TCF19: variants seen among roughly 807,000 people sequenced by gnomAD.
TCF19 encodes transcription factor 19.
TCF19 carries 9 observed loss-of-function variants against 18.3 expected under a neutral mutation model. That is an observed-to-expected ratio of 0.49 (90% CI 0.30 to 0.86). TCF19 has a LOEUF of 0.86. Among genes scored for constraint, TCF19 ranks in the 40% least tolerant of loss-of-function variants. The pLI, the probability that TCF19 is intolerant of heterozygous loss-of-function variation, is 0.07. For missense variants in TCF19, 376 were observed against 464.3 expected (o/e 0.81, Z 1.75); for synonymous variants, 176 against 185.3 (o/e 0.95, Z 0.41).
In TCF19 at chr6:31,159,644, G is replaced by C; in HGVS notation, c.175G>C (p.Glu59Gln). The change falls in exon 2 of 4, where the codon GAA (glutamate) becomes CAA (glutamine). Residue 59 changes from glutamate (E) to glutamine (Q), a missense_variant. Coordinates refer to ENST00000376257, the MANE Select transcript of TCF19 (RefSeq NM_007109.3). ...EPGLISGIHA[E>Q]LHAEPRGDDW... ...TGGCCTCATCTCTGGGATCCACGCC[G>C]AACTGCATGCCGAGCCCCGGGGTGA... 6.2e-7 allele frequency: 1 copy of C among 1,614,024 alleles called. No homozygotes were observed. Among genetic ancestry groups the C allele is most frequent in the African/African-American group, 1.3e-5 (1 of 75,064 alleles).
Position 31,162,811 on chromosome 6 carries a change from C to A in TCF19, c.*94C>A. 1 of 1,509,534 alleles carries A rather than the reference C, an allele frequency of 6.6e-7. No homozygotes were observed. Among genetic ancestry groups the A allele is most frequent in the Non-Finnish European group, 8.8e-7 (1 of 1,134,736 alleles). 93.5% of individuals were successfully genotyped at this position (1,509,534 alleles called of 1,614,324 possible). ...GATAAATACCCCCCTTCCCTTCCCTCCCCAGGAGGGAATGACTACAGGGAA... is the reference window on the plus strand; with the variant it reads ...GATAAATACCCCCCTTCCCTTCCCTACCCAGGAGGGAATGACTACAGGGAA... On this transcript the variant is annotated 3_prime_UTR_variant, in exon 4 of 4. Coordinates refer to ENST00000376257, the MANE Select transcript of TCF19 (RefSeq NM_007109.3). The surrounding 1 kb of genome is among the most constrained non-coding windows in gnomAD (Gnocchi z 4.5).
At chr6:31,160,593 A>G (rs1220097539) in intron 2 of TCF19, among the ~76,000 whole-genome samples, 1 of 150,938 alleles carries the variant, frequency 6.6e-6, no homozygotes, top group Non-Finnish European at 1.5e-5. Context: ...ATCTGTGCTG[A>G]AAAAAAAATA....
Position 31,162,622 on chromosome 6 carries a change from G to T in TCF19, c.943G>T (p.Val315Phe), listed in dbSNP as rs762319085. The T allele has an allele frequency of 2.5e-6, 4 of 1,612,972 alleles. No homozygotes were observed. The highest frequency in any genetic ancestry group is 3.4e-6 in the Non-Finnish European group (4 of 1,180,022). Residue 315 changes from valine to phenylalanine, a missense_variant, in exon 4 of 4, where the codon GTC becomes TTC. Val to Phe is a conservative substitution (Grantham distance 50). Coordinates refer to ENST00000376257, the MANE Select transcript of TCF19 (RefSeq NM_007109.3). This position sits in a 1 kb window ranked among gnomAD's most constrained non-coding sequence, Gnocchi z 4.5. The stretch of plus-strand genomic sequence containing the variant: ...CTGGGTTCAGTGTGATGGCTGTGAC[G>T]TCTGGTTCCATGTGGCCTGTGTTGG... Reference protein sequence around the residue: ...VAWVQCDGCDVWFHVACVGCS... With the variant: ...VAWVQCDGCDFWFHVACVGCS...
At chr6:31,160,163 G>C (rs577596625) in intron 2 of TCF19, among the ~76,000 whole-genome samples, 1 of 152,342 alleles carries the variant, frequency 6.6e-6, no homozygotes, top group African/African-American at 2.4e-5. Context: ...AAAGTCAGCT[G>C]TAGGAGTGTT....
Position 31,163,557 on chromosome 6 carries a change from T to C in TCF19, c.*840T>C, listed in dbSNP as rs1326776409. On this transcript the variant is annotated 3_prime_UTR_variant, in exon 4 of 4. Coordinates refer to ENST00000376257, the MANE Select transcript of TCF19 (RefSeq NM_007109.3). ...ACTGTCAGGGCAAGAGAAAGCCTGGTAAACCAGCTACAGCAGTTTACCAGT... is the reference window on the plus strand; with the variant it reads ...ACTGTCAGGGCAAGAGAAAGCCTGGCAAACCAGCTACAGCAGTTTACCAGT... The C allele has an allele frequency of 1.0e-6, 1 of 985,352 alleles. No individual in the cohort carries two copies. The highest frequency in any genetic ancestry group is 1.7e-5 in the African/African-American group (1 of 57,246). The allele number at this position is 985,352 out of a possible 1,614,324, so 61.0% of individuals were successfully genotyped here. A position where few individuals can be genotyped will look rare whatever the true frequency, so the allele number is the denominator to read the frequency against.
Position 31,158,968 on chromosome 6 carries a change from G to A in TCF19, c.-502G>A, listed in dbSNP as rs1406125566. 3 of 155,342 alleles carry A rather than the reference G, an allele frequency of 1.9e-5. No individual in the cohort carries two copies. 9.6% of individuals were successfully genotyped at this position (155,342 alleles called of 1,614,324 possible). A position where few individuals can be genotyped will look rare whatever the true frequency, so the allele number is the denominator to read the frequency against. On this transcript the variant is annotated 5_prime_UTR_variant, in exon 2 of 4. Transcript: ENST00000376257. Reference sequence around the variant, plus strand: ...GGCCAGAAGATCGGGGCGCAGGCAAGCAGGAGTGCTCTATTAGGATAAGCA... The same window carrying A: ...GGCCAGAAGATCGGGGCGCAGGCAAACAGGAGTGCTCTATTAGGATAAGCA...
rs541838655 is a variant in TCF19 at position 31,162,102 on chromosome 6, G to A, written c.797+97G>A. 13 of 1,325,324 alleles carry A rather than the reference G, an allele frequency of 9.8e-6. No individual in the cohort carries two copies. The Admixed American group carries it at 3.0e-4, about 30-fold the overall frequency. 82.1% of individuals were successfully genotyped at this position (1,325,324 alleles called of 1,614,324 possible). A position where few individuals can be genotyped will look rare whatever the true frequency, so the allele number is the denominator to read the frequency against. ...GGAGGTCCCCCTGCCTGGGGGGATGGGCACGGGAGGTGGAATAGATGGAAT... is the reference window on the plus strand; with the variant it reads ...GGAGGTCCCCCTGCCTGGGGGGATGAGCACGGGAGGTGGAATAGATGGAAT... On this transcript the variant is annotated intron_variant, in intron 3 of 3. Coordinates refer to ENST00000376257, the MANE Select transcript of TCF19 (RefSeq NM_007109.3). The surrounding 1 kb of genome is among the most constrained non-coding windows in gnomAD (Gnocchi z 4.5).
In TCF19 at chr6:31,159,099, C is replaced by T; in HGVS notation, c.-371C>T. ...GGACCTCCTTCCCCGCGCCCCGCCA[C>T]CCCGACACACACAGGAGCTGCCTAA... On this transcript the variant is annotated 5_prime_UTR_variant, in exon 2 of 4. Transcript: ENST00000376257. 3.5e-6 allele frequency: 1 copy of T among 289,300 alleles called. No individual in the cohort carries two copies. The highest frequency in any genetic ancestry group is 7.8e-5 in the South Asian group (1 of 12,812). 17.9% of individuals were successfully genotyped at this position (289,300 alleles called of 1,614,324 possible). A position where few individuals can be genotyped will look rare whatever the true frequency, so the allele number is the denominator to read the frequency against.
At position 31,163,724 on chromosome 6, in the gene TCF19, T is replaced by C. The variant is rs1776961964; in HGVS notation, c.*1007T>C. ...TTGTGAGCCTTACACCAAGCCAAAC[T>C]ATTGTCAAAGCATCATTTCTATAGA... On this transcript the variant is annotated 3_prime_UTR_variant, in exon 4 of 4. Coordinates refer to ENST00000376257, the MANE Select transcript of TCF19 (RefSeq NM_007109.3). The C allele has an allele frequency of 1.0e-6, 1 of 985,492 alleles. No homozygotes were observed. Among genetic ancestry groups the C allele is most frequent in the African/African-American group, 1.7e-5 (1 of 57,372 alleles). The allele number at this position is 985,492 out of a possible 1,614,324, so 61.0% of individuals were successfully genotyped here.
At chr6:31,159,740 G>T in intron 2 of TCF19, 33 bp downstream of exon 2, 1 of 1,609,460 alleles carries the variant, frequency 6.2e-7, no homozygotes, top group African/African-American at 1.3e-5. Context: ...TTGCCCCTGG[G>T]TGGTTGAAGC....
chr6:31,161,793 T>C lies in TCF19; in HGVS notation c.585T>C (p.Ser195=), dbSNP rs977598859. Residue 195 remains serine (S), a synonymous_variant, in exon 3 of 4, where the codon AGT becomes AGC. Transcript: ENST00000376257. ...LRPQPLTFSP[S]WGGPKSLPVP... ...CCCAGCCCCTCACCTTCTCCCCTAG[T>C]TGGGGTGGACCAAAGAGCCTGCCTG... is the stretch of plus-strand genomic sequence containing the variant. 1.1e-5 allele frequency: 17 copies of C among 1,609,976 alleles called. No individual in the cohort carries two copies. Among genetic ancestry groups the C allele is most frequent in the Non-Finnish European group, 1.4e-5 (17 of 1,178,238 alleles).
chr6:31,161,651 G>A lies in TCF19; in HGVS notation c.443G>A (p.Gly148Asp). Residue 148 changes from glycine (G) to aspartate (D), a missense_variant, in exon 3 of 4, where the codon GGT (glycine) becomes GAT (aspartate). Transcript: ENST00000376257. ...AGGGGAGAAGCCCGGGTTGGGGCTG[G>A]TTTCCGGCCTATGCTGCCCTCCCAG... is the stretch of plus-strand genomic sequence containing the variant. ...RSRGEARVGA[G>D]FRPMLPSQGA... 1 of 1,528,390 alleles carries A rather than the reference G, an allele frequency of 6.5e-7. No individual in the cohort carries two copies. The highest frequency in any genetic ancestry group is 2.1e-5 in the Admixed American group (1 of 46,782). The allele number at this position is 1,528,390 out of a possible 1,614,324, so 94.7% of individuals were successfully genotyped here.
At position 31,162,971 on chromosome 6, in the gene TCF19, A is replaced by G. The variant is rs980606452; in HGVS notation, c.*254A>G. Reference sequence around the variant, plus strand: ...TGAGCTGGAAGTTCCCACTATTACAAGCCATAAGGCCATGTTGCCATGGAC... The same window carrying G: ...TGAGCTGGAAGTTCCCACTATTACAGGCCATAAGGCCATGTTGCCATGGAC... On this transcript the variant is annotated 3_prime_UTR_variant, in exon 4 of 4. Coordinates refer to ENST00000376257, the MANE Select transcript of TCF19 (RefSeq NM_007109.3). The surrounding 1 kb of genome is among the most constrained non-coding windows in gnomAD (Gnocchi z 4.5). 3 of 1,393,012 alleles carry G rather than the reference A, an allele frequency of 2.2e-6. No individual in the cohort carries two copies. The highest frequency in any genetic ancestry group is 2.8e-6 in the Non-Finnish European group (3 of 1,077,858). 86.3% of individuals were successfully genotyped at this position (1,393,012 alleles called of 1,614,324 possible). A position where few individuals can be genotyped will look rare whatever the true frequency, so the allele number is the denominator to read the frequency against.
Position 31,161,622 on chromosome 6 carries a change from G to A in TCF19, c.414G>A (p.Arg138=), listed in dbSNP as rs1489525651. The A allele has an allele frequency of 5.1e-6, 8 of 1,554,510 alleles. No individual in the cohort carries two copies. The highest frequency in any genetic ancestry group is 6.9e-6 in the Non-Finnish European group (8 of 1,152,940). Reference sequence around the variant, plus strand: ...ACTTTGCTGCCATTACCATCCCACGGTCTAGGGGAGAAGCCCGGGTTGGGG... The same window carrying A: ...ACTTTGCTGCCATTACCATCCCACGATCTAGGGGAGAAGCCCGGGTTGGGG... ...PQDFAAITIP[R]SRGEARVGAG... is the part of the protein sequence containing the mutation. The change falls in exon 3 of 4, where the codon CGG becomes CGA. Residue 138 remains arginine, a synonymous_variant. Transcript: ENST00000376257.
chr6:31,159,795 C>A (rs1776634825), intron 2 of TCF19, 88 bp downstream of exon 2: 2 of 1,322,136 alleles, frequency 1.5e-6, no homozygotes, highest in Non-Finnish European at 1.1e-6. Flanking sequence ...CTGCTGCCTG[C>A]CTCCCATACT....
chr6:31,163,021 C>A lies in TCF19; in HGVS notation c.*304C>A. On this transcript the variant is annotated 3_prime_UTR_variant, in exon 4 of 4. Coordinates refer to ENST00000376257, the MANE Select transcript of TCF19 (RefSeq NM_007109.3). The stretch of plus-strand genomic sequence containing the variant: ...CACCAGAATATCTGTAGTCAGAGCA[C>A]CTATCAGTTGCAAAAGCCATGCCTG... 5 of 1,243,944 alleles carry A rather than the reference C, an allele frequency of 4.0e-6. No homozygotes were observed. The highest frequency in any genetic ancestry group is 5.0e-6 in the Non-Finnish European group (5 of 991,514). 77.1% of individuals were successfully genotyped at this position (1,243,944 alleles called of 1,614,324 possible). A position where few individuals can be genotyped will look rare whatever the true frequency, so the allele number is the denominator to read the frequency against.
At chr6:31,161,163 A>G (rs1561843889) in intron 2 of TCF19, among the ~76,000 whole-genome samples, 1 of 131,254 alleles carries the variant, frequency 7.6e-6, no homozygotes, top group Admixed American at 8.1e-5. Flanking sequence ...CAAAAAAAAA[A>G]AAAAAGAAAG....
chr6:31,161,992 C>A lies in TCF19; in HGVS notation c.784C>A (p.Leu262Met), dbSNP rs760140604. Residue 262 changes from leucine (L) to methionine (M), a missense_variant, in exon 3 of 4, where the codon CTG becomes ATG. By Grantham distance (15) the Leu-to-Met change is conservative. Coordinates refer to ENST00000376257, the MANE Select transcript of TCF19 (RefSeq NM_007109.3). ...RKKLRVDKAP[L>M]TPTGNRRGRP... The stretch of plus-strand genomic sequence containing the variant: ...GAAACTCCGTGTAGACAAAGCCCCA[C>A]TGACTCCCACTGGGTAAGTGGAGTC... 6.2e-7 allele frequency: 1 copy of A among 1,608,152 alleles called. No individual in the cohort carries two copies. The highest frequency in any genetic ancestry group is 8.5e-7 in the Non-Finnish European group (1 of 1,177,014).
chr6:31,162,619 G>T lies in TCF19; in HGVS notation c.940G>T (p.Asp314Tyr), dbSNP rs1183393358. Residue 314 changes from aspartate to tyrosine, a missense_variant, in exon 4 of 4, where the codon GAC becomes TAC. Asp to Tyr is a radical substitution (Grantham distance 160). Coordinates refer to ENST00000376257, the MANE Select transcript of TCF19 (RefSeq NM_007109.3). This position sits in a 1 kb window ranked among gnomAD's most constrained non-coding sequence, Gnocchi z 4.5. ...GGCCTGGGTTCAGTGTGATGGCTGT[G>T]ACGTCTGGTTCCATGTGGCCTGTGT... Reference protein sequence around the residue: ...TVAWVQCDGCDVWFHVACVGC... With the variant: ...TVAWVQCDGCYVWFHVACVGC... 2 of 1,612,864 alleles carry T rather than the reference G, an allele frequency of 1.2e-6. No homozygotes were observed. Among genetic ancestry groups the T allele is most frequent in the East Asian group, 4.5e-5 (2 of 44,898 alleles).
Sources: allele counts gnomAD v4.1 joint callset (sites outside exome capture counted in the v4.1 genomes callset), GRCh38; gene constraint gnomAD v4.1.1; non-coding constraint Gnocchi (gnomAD v3.1); transcripts MANE v1.5; gene names NCBI Gene and HGNC (gene_info 2026-07-23, HGNC 2026-07-21).